PAK5: variants seen among roughly 807,000 people sequenced by gnomAD.
The protein encoded by PAK5 is serine/threonine-protein kinase PAK 5.
In PAK5, 16 loss-of-function variants were observed where a neutral mutation model predicts 65.9. The ratio of observed to expected loss-of-function variants is 0.24; its 90% confidence interval spans 0.16 to 0.37. The LOEUF is 0.37. Ranked by LOEUF, PAK5 falls within the 10% of genes least tolerant of loss-of-function variation. PAK5 has a pLI of 1.00. For missense variants in PAK5, 785 were observed against 903.9 expected (o/e 0.87, Z 1.69); for synonymous variants, 371 against 354.9 (o/e 1.05, Z -0.51).
intron 2 of PAK5, among the ~76,000 whole-genome samples, chr20:9,698,729 A>G (rs2047901534): frequency 6.6e-6 from 1 of 152,154 alleles, no homozygotes. Flanking sequence ...TCAGGACTGC[A>G]CTGCTGTCTA....
intron 3 of PAK5, among the ~76,000 whole-genome samples, chr20:9,614,018 T>C (rs2046611167): frequency 6.6e-6 from 1 of 152,192 alleles, no homozygotes. Context: ...AGAACCAGAC[T>C]CAGCTATGGC....
At position 9,541,860 on chromosome 20, in the gene PAK5, T is replaced by C. The variant is rs539681982; in HGVS notation, c.2004+726A>G. On this transcript the variant is annotated intron_variant, in intron 9 of 9. Transcript: ENST00000353224. ...GAATTATCATGAGAGCTGATAGTTT[T>C]ATAAGTGTCTGGCATTTCCCCTGTG... Among the ~76,000 whole-genome samples the C allele has an allele frequency of 1.3e-4, 20 of 152,312 alleles. No individual in the cohort carries two copies. In the South Asian group the frequency reaches 3.7e-3, roughly 28 times the overall value.
At chr20:9,553,601 GT>G (rs1314862464) in intron 7 of PAK5, among the ~76,000 whole-genome samples, 1 of 151,918 alleles carries the variant, frequency 6.6e-6, no homozygotes, top group Admixed American at 6.6e-5. Flanking sequence ...GAATCATATA[GT>G]GTGTATCCTT....
intron 3 of PAK5, among the ~76,000 whole-genome samples, chr20:9,617,173 G>GT (rs975769236): frequency 6.6e-6 from 1 of 152,178 alleles, no homozygotes; most frequent in Non-Finnish European, 1.5e-5. Context: ...TTTATAACTG[G>GT]TAACCCTGCC....
rs201773328 is a variant in PAK5, at chr20:9,678,816, GC to G, written c.-12+32469del. ...TCATGACAACAGCATGGAGGTCACC[GC>G]CCCCATGATTAAATTACCTCCCACT... On this transcript the variant is annotated intron_variant, in intron 2 of 9. Coordinates refer to ENST00000353224, the MANE Select transcript of PAK5 (RefSeq NM_177990.4). Among the ~76,000 whole-genome samples, 1,019 of 152,090 alleles carry G rather than the reference GC, an allele frequency of 6.7e-3. 7 individuals carry two copies. Among genetic ancestry groups the G allele is most frequent in the African/African-American group, 0.023 (972 of 41,494 alleles).
intron 1 of PAK5, among the ~76,000 whole-genome samples, chr20:9,789,011 T>C (rs1337146624): frequency 6.6e-6 from 1 of 152,146 alleles, no homozygotes; most frequent in Admixed American, 6.5e-5. Context: ...GATACAACTA[T>C]TGGAATATGG....
At chr20:9,574,021 A>G (rs1229948131) in intron 4 of PAK5, among the ~76,000 whole-genome samples, 1 of 152,212 alleles carries the variant, frequency 6.6e-6, no homozygotes, top group African/African-American at 2.4e-5. Context: ...TGGAAAGGAC[A>G]TCTTAAATTG....
intron 2 of PAK5, among the ~76,000 whole-genome samples, chr20:9,675,403 A>G (rs1240461027): frequency 6.6e-6 from 1 of 152,210 alleles, no homozygotes; most frequent in Non-Finnish European, 1.5e-5. Context: ...CTCAGTACTT[A>G]GCACACAGCA....
chr20:9,642,699 T>G (rs1020261926), intron 3 of PAK5, among the ~76,000 whole-genome samples: 1 of 152,246 alleles, frequency 6.6e-6, no homozygotes, highest in Non-Finnish European at 1.5e-5. Flanking sequence ...TATTTCCACA[T>G]GCAAACTAGT....
intron 1 of PAK5, among the ~76,000 whole-genome samples, chr20:9,736,316 T>C (rs926503): frequency 0.5 from 76,397 of 151,960 alleles, 19,336 homozygotes; most frequent in South Asian, 0.64. Context: ...GTGGATTTTC[T>C]AGTGAAGAGG....
intron 2 of PAK5, among the ~76,000 whole-genome samples, chr20:9,661,950 A>G (rs2047352544): frequency 6.6e-6 from 1 of 152,242 alleles, no homozygotes; most frequent in Non-Finnish European, 1.5e-5. Flanking sequence ...GGCTTTCTTC[A>G]GCCCCTCTGG....
At chr20:9,543,586 G>A (rs2045300567) in intron 8 of PAK5, among the ~76,000 whole-genome samples, 1 of 152,086 alleles carries the variant, frequency 6.6e-6, no homozygotes, top group African/African-American at 2.4e-5. Context: ...TTATGCTGAT[G>A]TCCTTAGCTC....
At chr20:9,665,089 T>TTTTTTTTTTTG (rs2047398556) in intron 2 of PAK5, among the ~76,000 whole-genome samples, 1 of 140,952 alleles carries the variant, frequency 7.1e-6, no homozygotes. Context: ...TTTTCTGTTT[T>TTTTTTTTTTTG]TTTTTTTTTT....
chr20:9,778,538 A>G (rs1229788260), intron 1 of PAK5, among the ~76,000 whole-genome samples: 1 of 152,214 alleles, frequency 6.6e-6, no homozygotes, highest in Non-Finnish European at 1.5e-5. Flanking sequence ...ACGACAGGCC[A>G]ATACTTTGGG....
chr20:9,560,485 G>A (rs769674437), intron 6 of PAK5, among the ~76,000 whole-genome samples: 36 of 152,070 alleles, frequency 2.4e-4, no homozygotes, highest in African/African-American at 5.3e-4. Flanking sequence ...TTAGCCTCTC[G>A]AGTAGCTAGG....
At chr20:9,730,346 A>G (rs1300440166) in intron 1 of PAK5, among the ~76,000 whole-genome samples, 1 of 152,178 alleles carries the variant, frequency 6.6e-6, no homozygotes, top group East Asian at 1.9e-4. Context: ...CATCAATAAA[A>G]TTACCATGAC....
intron 1 of PAK5, among the ~76,000 whole-genome samples, chr20:9,721,255 G>A (rs1033976446): frequency 3.9e-5 from 6 of 152,006 alleles, no homozygotes; most frequent in Admixed American, 2.0e-4. Flanking sequence ...TCCTCTTCCC[G>A]TGGCTCAATC....
Position 9,771,582 on chromosome 20 carries a change from A to ATTTTTTTTTTTTTTTTTTTTT in PAK5, c.-161-60148_-161-60147insAAAAAAAAAAAAAAAAAAAAA, listed in dbSNP as rs545140358. 1.1e-3 allele frequency among the ~76,000 whole-genome samples: 125 copies of ATTTTTTTTTTTTTTTTTTTTT among 109,726 alleles called. 3 individuals are homozygous for ATTTTTTTTTTTTTTTTTTTTT. The highest frequency in any genetic ancestry group is 7.3e-3 in the East Asian group (23 of 3,144). 72.0% of individuals were successfully genotyped at this position (109,726 alleles called of 152,430 possible). ...GCCACCACATTCAGTCAATTTTTTA[A>ATTTTTTTTTTTTTTTTTTTTT]TTTTTTTTTTTTTTTTTTGTAGAAA... On this transcript the variant is annotated intron_variant, in intron 1 of 9. Transcript: ENST00000353224.
At position 9,747,800 on chromosome 20, in the gene PAK5, A is replaced by G. The variant is rs112951161; in HGVS notation, c.-161-36365T>C. Among the ~76,000 whole-genome samples the G allele has an allele frequency of 3.4e-3, 513 of 150,034 alleles. 1 individual carries two copies. The highest frequency in any genetic ancestry group is 5.5e-3 in the Non-Finnish European group (373 of 67,288). ...CAAGACAGGGATGCCCTCTCTCACCACTCCTATTCAACATAGTGTTGGAAG... is the reference window on the plus strand; with the variant it reads ...CAAGACAGGGATGCCCTCTCTCACCGCTCCTATTCAACATAGTGTTGGAAG... On this transcript the variant is annotated intron_variant, in intron 1 of 9. Coordinates refer to ENST00000353224, the MANE Select transcript of PAK5 (RefSeq NM_177990.4).
Sources: gnomAD v4.1 joint callset for allele counts (sites outside exome capture counted in the v4.1 genomes callset) on GRCh38, gnomAD v4.1.1 for gene constraint, MANE v1.5 for transcripts, NCBI Gene and HGNC (gene_info 2026-07-23, HGNC 2026-07-21) for gene names.